The following ZNF638 variants were observed in gnomAD, a reference collection of about 807,000 sequenced individuals.
ZNF638 encodes CTCL tumor antigen se33-1.
In ZNF638, 46 loss-of-function variants were observed where a neutral mutation model predicts 195.6. The observed-to-expected ratio is 0.24, with a 90% confidence interval of 0.19 to 0.30. The LOEUF is 0.30. ZNF638 is among the 10% of genes least tolerant of loss of function. The pLI is 1.00. For missense variants in ZNF638, 2,440 were observed against 2,325.3 expected (o/e 1.05, Z -1.01); for synonymous variants, 845 against 772.0 (o/e 1.09, Z -1.57).
chr2:71,430,600 C>T (rs537190674), intron 25 of ZNF638, among the ~76,000 whole-genome samples: 8 of 152,282 alleles, frequency 5.3e-5, no homozygotes, highest in African/African-American at 1.9e-4. Context: ...TTTGATTGTG[C>T]TTTCTCCATC....
chr2:71,405,662 G>A lies in ZNF638; in HGVS notation c.3000+20G>A, dbSNP rs756367946. On this transcript the variant is annotated intron_variant, in intron 18 of 27. Transcript: ENST00000264447. ...CCAGAGGTAAGTTTTGCATTTAAAT[G>A]CTTTTGTATACTTATTTAATTGATG... The A allele has an allele frequency of 1.1e-5, 16 of 1,487,502 alleles. No homozygotes were observed. In the Admixed American group the frequency reaches 2.2e-4, roughly 21 times the overall value. 92.1% of individuals were successfully genotyped at this position (1,487,502 alleles called of 1,614,324 possible). A position where few individuals can be genotyped will look rare whatever the true frequency, so the allele number is the denominator to read the frequency against.
At chr2:71,339,853 T>C (rs2078735188) in intron 1 of ZNF638, among the ~76,000 whole-genome samples, 1 of 152,146 alleles carries the variant, frequency 6.6e-6, no homozygotes, top group Non-Finnish European at 1.5e-5. Flanking sequence ...TTACTAGGAG[T>C]GTTTAGAGCA....
rs1475719667 is a variant in ZNF638 at position 71,408,136 on chromosome 2, A to G, written c.3150A>G (p.Leu1050=). 6.2e-7 allele frequency: 1 copy of G among 1,609,808 alleles called. No homozygotes were observed. Among genetic ancestry groups the G allele is most frequent in the East Asian group, 2.2e-5 (1 of 44,688 alleles). ...CTTCTCCAAAGGCAATTCTTCAGTTAGATAGTCCTGAATCTGCTCAGTCAA... is the reference window on the plus strand; with the variant it reads ...CTTCTCCAAAGGCAATTCTTCAGTTGGATAGTCCTGAATCTGCTCAGTCAA... The part of the protein sequence containing the change: ...ISNRNKAILQ[L]DSPESAQSMY... The change falls in exon 20 of 28, where the codon TTA becomes TTG. Residue 1050 remains leucine (L), a synonymous_variant. Transcript: ENST00000264447.
intron 3 of ZNF638, among the ~76,000 whole-genome samples, chr2:71,360,363 A>G (rs1231993181): frequency 6.6e-6 from 1 of 152,186 alleles, no homozygotes; most frequent in Non-Finnish European, 1.5e-5. Flanking sequence ...CATAACCACA[A>G]TACAACACAT....
At chr2:71,352,081 A>G (rs1290431529) in intron 2 of ZNF638, among the ~76,000 whole-genome samples, 8 of 152,316 alleles carry the variant, frequency 5.3e-5, no homozygotes, top group African/African-American at 1.7e-4. Flanking sequence ...TCAGTTACTA[A>G]ATGCACTAAG....
chr2:71,332,475 T>G (rs1420535652), intron 1 of ZNF638, among the ~76,000 whole-genome samples: 1 of 152,176 alleles, frequency 6.6e-6, no homozygotes, highest in African/African-American at 2.4e-5. Context: ...CGGGCTGGTG[T>G]TCTGTGCTGC....
chr2:71,345,105 C>G (rs377252724), intron 1 of ZNF638, among the ~76,000 whole-genome samples: 2 of 152,262 alleles, frequency 1.3e-5, no homozygotes, highest in African/African-American at 4.8e-5. Context: ...ATAAAACTTT[C>G]ATTATGCTAT....
intron 10 of ZNF638, among the ~76,000 whole-genome samples, chr2:71,384,513 T>A (rs1467740664): frequency 6.6e-6 from 1 of 152,196 alleles, no homozygotes; most frequent in Non-Finnish European, 1.5e-5. Flanking sequence ...ATTTATGCTG[T>A]CTATTTGCAT....
At chr2:71,352,989 C>T (rs2078967162) in intron 2 of ZNF638, among the ~76,000 whole-genome samples, 1 of 152,286 alleles carries the variant, frequency 6.6e-6, no homozygotes, top group Admixed American at 6.5e-5. Context: ...GAATTTTTCA[C>T]TACTAAGTGG....
intron 10 of ZNF638, among the ~76,000 whole-genome samples, chr2:71,392,105 A>G (rs560353105): frequency 8.5e-5 from 13 of 152,364 alleles, no homozygotes; most frequent in African/African-American, 2.6e-4. Flanking sequence ...CCTGAATGTC[A>G]TAAGAATTTT....
rs915976768 is a variant in ZNF638, at chr2:71,364,044, C to T, written c.1509C>T (p.His503=). 6.2e-7 allele frequency: 1 copy of T among 1,614,206 alleles called. No homozygotes were observed. Among genetic ancestry groups the T allele is most frequent in the Non-Finnish European group, 8.5e-7 (1 of 1,180,030 alleles). ...GTTCTAGAAGATCAAGCTCAAGTCA[C>T]AGATTCCGTCGGTCTCGAAGCCCAA... The part of the protein sequence containing the change: ...PRRSRRSSSS[H]RFRRSRSPMH... The change falls in exon 5 of 28, where the codon CAC becomes CAT. Residue 503 remains histidine (H), a synonymous_variant. Coordinates refer to ENST00000264447, the MANE Select transcript of ZNF638 (RefSeq NM_014497.5).
chr2:71,383,560 G>GTTTGTTTTTTTTTTTTT (rs2079571507), intron 10 of ZNF638, among the ~76,000 whole-genome samples: 2 of 122,116 alleles, frequency 1.6e-5, no homozygotes, highest in Non-Finnish European at 3.3e-5. Flanking sequence ...TTCCTGGGTG[G>GTTTGTTTTTTTTTTTTT]TTTTTTTTTT....
chr2:71,391,283 A>G (rs1269143120), intron 10 of ZNF638, among the ~76,000 whole-genome samples: 2 of 152,164 alleles, frequency 1.3e-5, no homozygotes, highest in African/African-American at 4.8e-5. Flanking sequence ...GACTTAAAAG[A>G]CTGCTTTAAT....
intron 10 of ZNF638, among the ~76,000 whole-genome samples, chr2:71,386,940 C>T (rs1259780487): frequency 6.6e-6 from 1 of 151,856 alleles, no homozygotes; most frequent in African/African-American, 2.4e-5. Context: ...CTCCACCTCC[C>T]AGGTTCAAGT....
chr2:71,411,160 C>G (rs1246509065), intron 20 of ZNF638, among the ~76,000 whole-genome samples: 1 of 151,162 alleles, frequency 6.6e-6, no homozygotes, highest in Non-Finnish European at 1.5e-5. Flanking sequence ...ACCATGCCCA[C>G]TAATTTTTTT....
At chr2:71,400,431 T>A (rs374899218) in intron 14 of ZNF638, 47 bp from the exon 15 acceptor site, 7 of 1,556,534 alleles carry the variant, frequency 4.5e-6, no homozygotes, top group Non-Finnish European at 6.1e-6. Context: ...TAAAGTAGGA[T>A]CTTGATAAGT....
In ZNF638 at chr2:71,427,579, A is replaced by C. The variant is rs372263881; in HGVS notation, c.5545+165A>C. Among the ~76,000 whole-genome samples, 6 of 152,234 alleles carry C rather than the reference A, an allele frequency of 3.9e-5. No homozygotes were observed. The South Asian group carries it at 8.3e-4, about 21-fold the overall frequency. On this transcript the variant is annotated intron_variant, in intron 24 of 27. Transcript: ENST00000264447. ...TAAATTTTCCAAAGAAATGTGTACA[A>C]GTTTCACAGTTTTTTAAAGTTTTAC...
At chr2:71,398,192 A>AT (rs1391147157) in intron 11 of ZNF638, among the ~76,000 whole-genome samples, 3 of 151,764 alleles carry the variant, frequency 2.0e-5, no homozygotes, top group East Asian at 1.9e-4. Flanking sequence ...TAGATTTTGG[A>AT]TTTTTTTTCA....
intron 2 of ZNF638, among the ~76,000 whole-genome samples, chr2:71,352,183 A>C (rs1558835764): frequency 6.6e-6 from 1 of 152,040 alleles, no homozygotes; most frequent in East Asian, 1.9e-4. Flanking sequence ...GCCTGTATAA[A>C]GAGGAGGAGG....
Sources: gnomAD v4.1 joint callset for allele counts (sites outside exome capture counted in the v4.1 genomes callset) on GRCh38, gnomAD v4.1.1 for gene constraint, MANE v1.5 for transcripts, NCBI Gene and HGNC (gene_info 2026-07-23, HGNC 2026-07-21) for gene names.